SPON1: variants seen among roughly 807,000 people sequenced by gnomAD.
SPON1 encodes the protein spondin-1.
SPON1 carries 52 observed loss-of-function variants against 111.7 expected under a neutral mutation model. That is an observed-to-expected ratio of 0.47 (90% CI 0.37 to 0.59). The LOEUF (loss-of-function observed/expected upper bound fraction) is 0.59. SPON1 is among the 20% of genes least tolerant of loss of function. SPON1 has a pLI of 0.00. For missense variants in SPON1, 957 were observed against 1,068.5 expected (o/e 0.90, Z 1.46); for synonymous variants, 410 against 395.8 (o/e 1.04, Z -0.43).
At chr11:13,964,893 G>A (rs147326571) in intron 1 of SPON1, among the ~76,000 whole-genome samples, 40 of 152,246 alleles carry the variant, frequency 2.6e-4, no homozygotes, top group African/African-American at 9.1e-4. Context: ...AGCAGAGAAA[G>A]AAGTGGCTCT....
At chr11:14,113,987 T>C (rs1257058791) in intron 5 of SPON1, among the ~76,000 whole-genome samples, 1 of 152,180 alleles carries the variant, frequency 6.6e-6, no homozygotes, top group Non-Finnish European at 1.5e-5. Context: ...AGGCATGCAA[T>C]GTGAAATAAA....
rs567462867 is a variant in SPON1, at chr11:14,135,918, G to C, written c.825+350G>C. Among the ~76,000 whole-genome samples the C allele has an allele frequency of 6.6e-6, 1 of 152,288 alleles. No individual in the cohort carries two copies. Among genetic ancestry groups the C allele is most frequent in the African/African-American group, 2.4e-5 (1 of 41,556 alleles). On this transcript the variant is annotated intron_variant, in intron 6 of 15. Coordinates refer to ENST00000576479, the MANE Select transcript of SPON1 (RefSeq NM_006108.4). This position sits in a 1 kb window ranked among gnomAD's most constrained non-coding sequence, Gnocchi z 4.4. ...GGGTCAGAGGAGTAATAGTCAAGCT[G>C]TCCAGCCAAATCCCCAAAATAAATG...
In SPON1 at chr11:14,170,620, T is replaced by C. The variant is rs1242221143; in HGVS notation, c.825+35052T>C. Among the ~76,000 whole-genome samples the C allele has an allele frequency of 2.0e-5, 3 of 151,902 alleles. No individual in the cohort carries two copies. In the South Asian group the frequency reaches 6.2e-4, roughly 32 times the overall value. On this transcript the variant is annotated intron_variant, in intron 6 of 15. Coordinates refer to ENST00000576479, the MANE Select transcript of SPON1 (RefSeq NM_006108.4). ...CAGTTTTTGTCCATTCAGTATGATA[T>C]TGGCTGTGGGTTTGTCATAGATAGC...
At chr11:14,132,032 A>G (rs1228735424) in intron 5 of SPON1, among the ~76,000 whole-genome samples, 6 of 152,172 alleles carry the variant, frequency 3.9e-5, no homozygotes, top group Non-Finnish European at 8.8e-5. Context: ...TAATCCCAAC[A>G]CTGTGGGAGG....
chr11:14,215,203 G>GCAC (rs1848614454), intron 6 of SPON1, among the ~76,000 whole-genome samples: 1 of 152,072 alleles, frequency 6.6e-6, no homozygotes, highest in South Asian at 2.1e-4. Context: ...CTACAGGTAT[G>GCAC]CACCACACCC....
chr11:13,969,694 C>T (rs1445739849), intron 1 of SPON1, among the ~76,000 whole-genome samples: 1 of 152,156 alleles, frequency 6.6e-6, no homozygotes, highest in Admixed American at 6.5e-5. Flanking sequence ...TCACATAAGT[C>T]AAAATTAGTC....
At chr11:14,145,459 A>G (rs1847706163) in intron 6 of SPON1, among the ~76,000 whole-genome samples, 3 of 152,228 alleles carry the variant, frequency 2.0e-5, no homozygotes, top group African/African-American at 7.2e-5. Context: ...ATAGAAGGCA[A>G]ATTTAAGTGA....
rs182546313 is a variant in SPON1 at position 14,202,182 on chromosome 11, C to T, written c.826-41150C>T. Among the ~76,000 whole-genome samples, 12 of 152,212 alleles carry T rather than the reference C, an allele frequency of 7.9e-5. No homozygotes were observed. In the East Asian group the frequency reaches 2.3e-3, roughly 29 times the overall value. On this transcript the variant is annotated intron_variant, in intron 6 of 15. Coordinates refer to ENST00000576479, the MANE Select transcript of SPON1 (RefSeq NM_006108.4). ...TCGTCCCTTTACAAGTGGCAGTCACCGAGGAAACGTTCACTTGTGTGTCAG... is the reference window on the plus strand; with the variant it reads ...TCGTCCCTTTACAAGTGGCAGTCACTGAGGAAACGTTCACTTGTGTGTCAG...
At chr11:14,222,986 G>A (rs1172204619) in intron 6 of SPON1, among the ~76,000 whole-genome samples, 1 of 152,080 alleles carries the variant, frequency 6.6e-6, no homozygotes, top group Non-Finnish European at 1.5e-5. Context: ...GAAACAGAGG[G>A]GTCTCTCTCA....
intron 6 of SPON1, among the ~76,000 whole-genome samples, chr11:14,169,644 A>C (rs1554932218): frequency 6.6e-6 from 1 of 151,938 alleles, no homozygotes; most frequent in African/African-American, 2.4e-5. Flanking sequence ...CTAACATGTA[A>C]GTCTTTAATC....
intron 7 of SPON1, among the ~76,000 whole-genome samples, chr11:14,246,732 C>G (rs1848994761): frequency 6.6e-6 from 1 of 152,128 alleles, no homozygotes. Flanking sequence ...GAGCACAGCA[C>G]AGTTCCTTAT....
intron 5 of SPON1, among the ~76,000 whole-genome samples, chr11:14,090,959 T>G (rs1849049877): frequency 6.6e-6 from 1 of 151,282 alleles, no homozygotes; most frequent in African/African-American, 2.4e-5. Flanking sequence ...ATCAGATTAG[T>G]TAGATACAGA....
intron 6 of SPON1, among the ~76,000 whole-genome samples, chr11:14,150,888 T>C (rs1407688806): frequency 1.3e-5 from 2 of 152,196 alleles, no homozygotes; most frequent in East Asian, 3.8e-4. Context: ...GGATTCTCAG[T>C]AGATGCTAAA....
chr11:13,984,539 C>T (rs1848167585), intron 2 of SPON1, among the ~76,000 whole-genome samples: 1 of 152,102 alleles, frequency 6.6e-6, no homozygotes, highest in Admixed American at 6.5e-5. Flanking sequence ...AATCCACTCT[C>T]AAGATAACTA....
intron 2 of SPON1, among the ~76,000 whole-genome samples, chr11:14,023,288 T>TAGGGGCTA (rs1554914936): frequency 7.2e-5 from 11 of 152,296 alleles, no homozygotes; most frequent in Non-Finnish European, 1.6e-4. Context: ...GATTGGATTG[T>TAGGGGCTA]AGGGGCTAAG....
intron 15 of SPON1, among the ~76,000 whole-genome samples, chr11:14,264,854 G>A (rs913239322): frequency 1.3e-5 from 2 of 152,158 alleles, no homozygotes; most frequent in Admixed American, 1.3e-4. Context: ...ATGCTGAGTA[G>A]GAAGAACAAA....
chr11:14,241,037 A>G lies in SPON1; in HGVS notation c.826-2295A>G, dbSNP rs1357924466. On this transcript the variant is annotated intron_variant, in intron 6 of 15. Coordinates refer to ENST00000576479, the MANE Select transcript of SPON1 (RefSeq NM_006108.4). ...CATGGTACAGAACAAGATATTCAGTATGACACAGATTTGGTGGGAAAGCTA... is the reference window on the plus strand; with the variant it reads ...CATGGTACAGAACAAGATATTCAGTGTGACACAGATTTGGTGGGAAAGCTA... Among the ~76,000 whole-genome samples, 3 of 151,446 alleles carry G rather than the reference A, an allele frequency of 2.0e-5. No homozygotes were observed. The Admixed American group carries it at 2.0e-4, about 10-fold the overall frequency.
chr11:14,094,986 C>T (rs191712624), intron 5 of SPON1, among the ~76,000 whole-genome samples: 1 of 152,072 alleles, frequency 6.6e-6, no homozygotes, highest in Non-Finnish European at 1.5e-5. Context: ...GAACTGGATG[C>T]GGAGGAGTAA....
At chr11:14,255,924 G>GAA in intron 9 of SPON1, 137 bp downstream of exon 9, 2 of 907,282 alleles carry the variant, frequency 2.2e-6, no homozygotes, top group Non-Finnish European at 3.2e-6. Context: ...GCCTCCCCAG[G>GAA]TTTCTAACAT....
Sources: allele counts gnomAD v4.1 joint callset (sites outside exome capture counted in the v4.1 genomes callset), GRCh38; gene constraint gnomAD v4.1.1; non-coding constraint Gnocchi (gnomAD v3.1); transcripts MANE v1.5; gene names NCBI Gene and HGNC (gene_info 2026-07-23, HGNC 2026-07-21).